ARMCX4: variants seen among roughly 807,000 people sequenced by gnomAD.
The protein encoded by ARMCX4 is armadillo repeat containing X-linked 4.
A neutral mutation model predicts 34.7 loss-of-function variants in ARMCX4; 3 were observed. The observed-to-expected ratio is 0.09, with a 90% CI of 0.04 to 0.22. ARMCX4 has a LOEUF of 0.22. ARMCX4 is among the 10% of genes least tolerant of loss of function. The pLI is 1.00. For synonymous variants in ARMCX4, 513 were observed against 632.8 expected (o/e 0.81, Z 2.84); for missense variants, 1,448 against 1,720.8 (o/e 0.84, Z 2.81).
In ARMCX4 at chrX:101,493,359, G is replaced by A. The variant is rs1556010313; in HGVS notation, c.4770G>A (p.Gly1590=). The A allele has an allele frequency of 2.5e-5, 29 of 1,155,359 alleles. No individual in the cohort carries two copies. Among genetic ancestry groups the A allele is most frequent in the Non-Finnish European group, 3.3e-5 (29 of 872,725 alleles). The change falls in exon 6 of 6, where the codon GGG becomes GGA. Residue 1590 remains glycine (G), a synonymous_variant. Transcript: ENST00000423738. The part of the protein sequence containing the change: ...AIGGGFWPGA[G]DQTGGGSRPG... ...GAGGGGGGTTCTGGCCTGGTGCTGG[G>A]GACCAGACTGGTGGAGGCTCCAGGC...
At chrX:101,468,534 C>T (rs1358176147) in intron 4 of ARMCX4, among the ~76,000 whole-genome samples, 2 of 111,008 alleles carry the variant, frequency 1.8e-5, no homozygotes, top group Admixed American at 1.9e-4. Context: ...AAACGACCCA[C>T]CCGCCTTGGC....
intron 4 of ARMCX4, among the ~76,000 whole-genome samples, chrX:101,476,375 C>T (rs1169413145): frequency 9.2e-6 from 1 of 108,701 alleles, no homozygotes; most frequent in Admixed American, 1.0e-4. Context: ...ATTTCATGTA[C>T]CCCATAAATA....
Position 101,491,673 on chromosome X carries a change from C to G in ARMCX4, c.3084C>G (p.Ala1028=). The change falls in exon 6 of 6, where the codon GCC becomes GCG. Residue 1028 remains alanine (A), a synonymous_variant. Transcript: ENST00000423738. ...CTGGGGCAGGCACAAGGCACTCTGC[C>G]CAGCCTCAGATTGTGGCCGGTTCCC... ...AGTGAGTRHS[A]QPQIVAGSQG... 8.6e-7 allele frequency: 1 copy of G among 1,156,641 alleles called. No individual in the cohort carries two copies. The highest frequency in any genetic ancestry group is 1.8e-5 in the African/African-American group (1 of 56,582).
Position 101,492,616 on chromosome X carries a change from G to T in ARMCX4, c.4027G>T (p.Gly1343Trp). The T allele has an allele frequency of 8.9e-7, 1 of 1,128,063 alleles. No homozygotes were observed. Among genetic ancestry groups the T allele is most frequent in the Non-Finnish European group, 1.2e-6 (1 of 858,577 alleles). The allele number at this position is 1,128,063 out of a possible 1,213,427, so 93.0% of individuals were successfully genotyped here. A position where few individuals can be genotyped will look rare whatever the true frequency, so the allele number is the denominator to read the frequency against. ...CCAGGCTAGTGGAGGGTCAATGTTG[G>T]GGCCTGAGGACCAGTCCAGTGGAAG... ...GGQASGGSML[G>W]PEDQSSGRSW... The change falls in exon 6 of 6, where the codon GGG (glycine) becomes TGG (tryptophan). Residue 1343 changes from glycine to tryptophan, a missense_variant. This residue lies in a region of ARMCX4 where 1,343 missense variants were observed against 1,540.7 expected (regional missense o/e 0.87). Transcript: ENST00000423738.
chrX:101,449,198 G>A (rs995798330), downstream of ARMCX4, among the ~76,000 whole-genome samples: 7 of 111,946 alleles, frequency 6.3e-5, no homozygotes, highest in African/African-American at 9.7e-5. Flanking sequence ...GAGCCACCTC[G>A]CCTGGGTCAA....
intron 11 of ARMCX4, among the ~76,000 whole-genome samples, chrX:101,519,048 G>A (rs1556018543): frequency 9.0e-6 from 1 of 110,746 alleles, no homozygotes; most frequent in African/African-American, 3.3e-5. Context: ...TGAGACATTG[G>A]AGAAAATAAT....
At chrX:101,529,352 A>G (rs1935063094) in intron 11 of ARMCX4, among the ~76,000 whole-genome samples, 1 of 111,573 alleles carries the variant, frequency 9.0e-6, no homozygotes, top group Non-Finnish European at 1.9e-5. Flanking sequence ...TTAAAGACTT[A>G]AATATTAGAC....
chrX:101,433,476 A>G (rs1223396447), intron 2 of ARMCX4, among the ~76,000 whole-genome samples: 1 of 111,175 alleles, frequency 9.0e-6, no homozygotes, highest in Non-Finnish European at 1.9e-5. Context: ...TGCAATAGGA[A>G]GGTCTTCATA....
At chrX:101,440,022 A>G (rs1462857787) in intron 2 of ARMCX4, among the ~76,000 whole-genome samples, 1 of 111,606 alleles carries the variant, frequency 9.0e-6, no homozygotes, top group Non-Finnish European at 1.9e-5. Context: ...GCTGGTGAGG[A>G]GCTGTGTTCC....
At chrX:101,523,287 C>T (rs5951269) in intron 11 of ARMCX4, among the ~76,000 whole-genome samples, 58,775 of 110,471 alleles carry the variant, frequency 0.53, 12,392 homozygotes, top group Non-Finnish European at 0.68. Context: ...TGTGTGTATG[C>T]CCAAGGCTAT....
chrX:101,436,129 T>G (rs1569316960), intron 2 of ARMCX4, among the ~76,000 whole-genome samples: 1 of 108,627 alleles, frequency 9.2e-6, no homozygotes, highest in Non-Finnish European at 1.9e-5. Context: ...CAATGCAGGC[T>G]CTTTTTTGGT....
Position 101,492,654 on chromosome X carries a change from C to G in ARMCX4, c.4065C>G (p.Asp1355Glu). 1 of 1,127,463 alleles carries G rather than the reference C, an allele frequency of 8.9e-7. No homozygotes were observed. Among genetic ancestry groups the G allele is most frequent in the Non-Finnish European group, 1.2e-6 (1 of 858,534 alleles). The allele number at this position is 1,127,463 out of a possible 1,213,427, so 92.9% of individuals were successfully genotyped here. A position where few individuals can be genotyped will look rare whatever the true frequency, so the allele number is the denominator to read the frequency against. ...EDQSSGRSWADTADQASGGSR... is the reference protein window; with the variant it reads ...EDQSSGRSWAETADQASGGSR... The stretch of plus-strand genomic sequence containing the variant: ...AGTCCAGTGGAAGGTCTTGGGCTGA[C>G]ACTGCAGACCAAGCCAGTGGAGGGT... Residue 1355 changes from aspartate to glutamate, a missense_variant, in exon 6 of 6, where the codon GAC becomes GAG. This residue lies in a region of ARMCX4 where 1,343 missense variants were observed against 1,540.7 expected (regional missense o/e 0.87). Coordinates refer to ENST00000423738, the MANE Select transcript of ARMCX4 (RefSeq NM_001256155.3).
chrX:101,426,197 TA>T (rs1929614778), intron 2 of ARMCX4, among the ~76,000 whole-genome samples: 1 of 111,038 alleles, frequency 9.0e-6, no homozygotes, highest in South Asian at 3.8e-4. Context: ...AGTGAGTGGT[TA>T]AAAATACAGC....
At chrX:101,475,345 A>C (rs113063413) in intron 4 of ARMCX4, among the ~76,000 whole-genome samples, 5,475 of 110,554 alleles carry the variant, frequency 0.05, 111 homozygotes, top group Middle Eastern at 0.08. Flanking sequence ...CTTTGTAGGT[A>C]TCTGCAAAAG....
chrX:101,433,277 T>C (rs1930410399), intron 2 of ARMCX4, among the ~76,000 whole-genome samples: 1 of 103,107 alleles, frequency 9.7e-6, no homozygotes, highest in Admixed American at 1.0e-4. Flanking sequence ...TGTACACATG[T>C]ACGTACACAT....
intron 11 of ARMCX4, among the ~76,000 whole-genome samples, chrX:101,515,772 C>T (rs1934732343): frequency 9.2e-6 from 1 of 108,698 alleles, no homozygotes; most frequent in South Asian, 4.1e-4. Flanking sequence ...GAACTCCTGG[C>T]CTCAAGTGAT....
At chrX:101,532,230 G>A (rs1445344861) in intron 12 of ARMCX4, 1 of 111,612 alleles carries the variant, frequency 9.0e-6, no homozygotes, top group Non-Finnish European at 1.9e-5. Context: ...CACAGGACTA[G>A]GAATAAAGAA....
rs181505107 is a variant in ARMCX4, at chrX:101,468,928, A to T, written c.-472-17095A>T. 8.9e-3 allele frequency among the ~76,000 whole-genome samples: 1,001 copies of T among 112,220 alleles called. 4 individuals carry two copies. The highest frequency in any genetic ancestry group is 0.015 in the Non-Finnish European group (778 of 53,296). On this transcript the variant is annotated intron_variant and NMD_transcript_variant, in intron 4 of 15. Coordinates refer to the ARMCX4 transcript ENST00000433011. Reference sequence around the variant, plus strand: ...CATTTAACTACATCAAAATGGAAAAACTTCAGTATATAGAAAGACAACACA... The same window carrying T: ...CATTTAACTACATCAAAATGGAAAATCTTCAGTATATAGAAAGACAACACA...
At chrX:101,532,200 T>C (rs782807352) in intron 12 of ARMCX4, 2 of 111,781 alleles carry the variant, frequency 1.8e-5, no homozygotes, top group Non-Finnish European at 3.8e-5. Flanking sequence ...ATGGTGCTTT[T>C]TTTCCCCATA....
Sources: gnomAD v4.1 joint callset for allele counts (sites outside exome capture counted in the v4.1 genomes callset) on GRCh38, gnomAD v4.1.1 for gene constraint, gnomAD v4.1.1 regional missense constraint, MANE v1.5 for transcripts, NCBI Gene and HGNC (gene_info 2026-07-23, HGNC 2026-07-21) for gene names.